Variants in COL4A5 observed in about 807,000 individuals in gnomAD.
COL4A5 encodes the protein collagen type IV alpha 5 chain.
In COL4A5, 26 loss-of-function variants were observed where a neutral mutation model predicts 130.2. That is an observed-to-expected ratio of 0.20 (90% CI 0.15 to 0.28). COL4A5 has a LOEUF of 0.28. Ranked by LOEUF, COL4A5 falls within the 10% of genes least tolerant of loss-of-function variation. The pLI is 1.00. For synonymous variants in COL4A5, 496 were observed against 439.6 expected, an observed-to-expected ratio of 1.13 and a Z score of -1.60; for missense variants, 1,131 against 1,344.3, an observed-to-expected ratio of 0.84 and a Z score of 2.48.
chrX:108,628,202 A>T (rs1406733240), intron 36 of COL4A5, among the ~76,000 whole-genome samples: 1 of 110,959 alleles, frequency 9.0e-6, no homozygotes, highest in African/African-American at 3.3e-5. Context: ...TAGGTTCATG[A>T]TTACAAACAT....
At chrX:108,493,568 TTAG>T (rs2065009961) in intron 1 of COL4A5, among the ~76,000 whole-genome samples, 1 of 111,360 alleles carries the variant, frequency 9.0e-6, no homozygotes, top group South Asian at 3.7e-4. Flanking sequence ...GAATCATGTG[TTAG>T]TAGAAATCAT....
intron 1 of COL4A5, among the ~76,000 whole-genome samples, chrX:108,445,847 G>T (rs2064446637): frequency 9.0e-6 from 1 of 111,695 alleles, no homozygotes; most frequent in Admixed American, 9.5e-5. Flanking sequence ...TATGTCCACA[G>T]TTCTACCAGC....
intron 21 of COL4A5, among the ~76,000 whole-genome samples, chrX:108,592,635 A>G (rs2066454627): frequency 9.1e-6 from 1 of 109,638 alleles, no homozygotes; most frequent in Non-Finnish European, 1.9e-5. Context: ...AGCAGTCTAT[A>G]TCCTACTAAT....
chrX:108,550,751 A>G (rs2065740334), intron 2 of COL4A5, among the ~76,000 whole-genome samples: 3 of 112,042 alleles, frequency 2.7e-5, no homozygotes, highest in African/African-American at 6.5e-5. Flanking sequence ...TTTGATGATG[A>G]CATGATTTTT....
At chrX:108,559,228 A>G in intron 3 of COL4A5, 75 bp downstream of exon 3, 1 of 766,710 alleles carries the variant, frequency 1.3e-6, no homozygotes, top group Non-Finnish European at 2.0e-6. Flanking sequence ...TGTCACATCA[A>G]CTAAAAAGTT....
intron 1 of COL4A5, among the ~76,000 whole-genome samples, chrX:108,484,529 A>G (rs1241621346): frequency 3.5e-5 from 4 of 112,711 alleles, no homozygotes; most frequent in East Asian, 5.6e-4. Context: ...CCCAAGCCCA[A>G]TAGTGCTGTG....
chrX:108,501,626 C>T (rs1178617398), intron 1 of COL4A5, among the ~76,000 whole-genome samples: 1 of 111,859 alleles, frequency 8.9e-6, no homozygotes. Flanking sequence ...AATTTTGGTC[C>T]TAATCAGAAA....
At chrX:108,681,655 A>C in intron 46 of COL4A5, 105 bp from the exon 47 acceptor site, 4 of 997,629 alleles carry the variant, frequency 4.0e-6, no homozygotes, top group Non-Finnish European at 2.8e-6. Flanking sequence ...CAATTCAAAA[A>C]CTGGTTTCTC....
At chrX:108,626,753 C>T (rs2067160889) in intron 36 of COL4A5, 2 of 844,228 alleles carry the variant, frequency 2.4e-6, no homozygotes, top group African/African-American at 4.3e-5. Flanking sequence ...GTATTCTTAA[C>T]TGCGTGTCTG....
At chrX:108,694,382 G>A (rs759725642) in intron 50 of COL4A5, 39 of 172,348 alleles carry the variant, frequency 2.3e-4, no homozygotes, top group African/African-American at 5.5e-4. Context: ...TTGAGAAAGC[G>A]TCCGTTTCTT....
chrX:108,545,760 T>A (rs1006223476), intron 2 of COL4A5, among the ~76,000 whole-genome samples: 1 of 111,201 alleles, frequency 9.0e-6, no homozygotes, highest in Non-Finnish European at 1.9e-5. Flanking sequence ...TTTCTAGGTC[T>A]CTAAGGACTT....
intron 1 of COL4A5, among the ~76,000 whole-genome samples, chrX:108,483,906 A>G (rs1292714888): frequency 1.8e-5 from 2 of 112,005 alleles, no homozygotes; most frequent in Non-Finnish European, 3.8e-5. Context: ...TGCCATTTGT[A>G]TGTCTTCTTT....
chrX:108,519,292 C>T (rs988719894), intron 1 of COL4A5, among the ~76,000 whole-genome samples: 2 of 111,003 alleles, frequency 1.8e-5, no homozygotes, highest in Admixed American at 9.6e-5. Context: ...AAAGGAATAT[C>T]TTCTACAAGT....
At chrX:108,534,061 A>T (rs1379511352) in intron 1 of COL4A5, among the ~76,000 whole-genome samples, 1 of 110,592 alleles carries the variant, frequency 9.0e-6, no homozygotes, top group South Asian at 3.8e-4. Flanking sequence ...CAAGGATAAA[A>T]AAAATAAGGG....
rs908677771 is a variant in COL4A5, at chrX:108,584,432, T to G, written c.991-52T>G. 55 of 1,056,747 alleles carry G rather than the reference T, an allele frequency of 5.2e-5. No individual in the cohort carries two copies. The Admixed American group carries it at 1.2e-3, about 23-fold the overall frequency. The allele number at this position is 1,056,747 out of a possible 1,213,427, so 87.1% of individuals were successfully genotyped here. A position where few individuals can be genotyped will look rare whatever the true frequency, so the allele number is the denominator to read the frequency against. On this transcript the variant is annotated intron_variant, in intron 17 of 52. Coordinates refer to ENST00000328300, the MANE Select transcript of COL4A5 (RefSeq NM_033380.3). ...AGTTTCTCTTATATTCTTGAGGAAA[T>G]TGATGTTTTCATGTGAATTTTACTA...
At chrX:108,562,432 TAA>T (rs2065910665) in intron 3 of COL4A5, among the ~76,000 whole-genome samples, 1 of 112,197 alleles carries the variant, frequency 8.9e-6, no homozygotes, top group Non-Finnish European at 1.9e-5. Context: ...TAAATTAAAA[TAA>T]GTTACCTAAA....
intron 33 of COL4A5, 23 bp downstream of exon 33, chrX:108,622,848 G>A (rs2067084261): frequency 8.4e-7 from 1 of 1,187,428 alleles, no homozygotes; most frequent in African/African-American, 1.8e-5. Context: ...ATTTATTTAT[G>A]AATATTTTTC....
intron 1 of COL4A5, among the ~76,000 whole-genome samples, chrX:108,524,624 A>G (rs1210218757): frequency 9.0e-6 from 1 of 110,928 alleles, no homozygotes; most frequent in Admixed American, 9.6e-5. Flanking sequence ...TAATATAGGC[A>G]GTTACTGCTG....
chrX:108,538,205 T>A (rs1188875781), intron 1 of COL4A5, among the ~76,000 whole-genome samples: 1 of 111,956 alleles, frequency 8.9e-6, no homozygotes, highest in Non-Finnish European at 1.9e-5. Flanking sequence ...GCCTAACAAT[T>A]TTTCTGTCCT....
Sources: allele counts gnomAD v4.1 joint callset (sites outside exome capture counted in the v4.1 genomes callset), GRCh38; gene constraint gnomAD v4.1.1; transcripts MANE v1.5; gene names NCBI Gene and HGNC (gene_info 2026-07-23, HGNC 2026-07-21).